The following ADAM32 variants were observed in gnomAD, a reference collection of about 807,000 sequenced individuals.
The protein encoded by ADAM32 is ADAM metallopeptidase domain 32.
In ADAM32, 89 loss-of-function variants were observed where a neutral mutation model predicts 114.9. The observed-to-expected ratio is 0.77, with a 90% CI of 0.65 to 0.92. The LOEUF (loss-of-function observed/expected upper bound fraction) is 0.92, where lower values mean the gene tolerates loss of function less well. Ranked by LOEUF, ADAM32 falls within the 40% of genes least tolerant of loss-of-function variation. The pLI, the probability that ADAM32 is intolerant of heterozygous loss-of-function variation, is 0.00. For synonymous variants in ADAM32, 285 were observed against 307.5 expected, an observed-to-expected ratio of 0.93 and a Z score of 0.77; for missense variants, 870 against 932.8, an observed-to-expected ratio of 0.93 and a Z score of 0.88.
chr8:39,176,639 G>T (rs1419436601), intron 10 of ADAM32, among the ~76,000 whole-genome samples: 1 of 152,154 alleles, frequency 6.6e-6, no homozygotes, highest in Non-Finnish European at 1.5e-5. Flanking sequence ...GTACTGTGTG[G>T]CGATGAGAAG....
chr8:39,161,014 T>A, intron 7 of ADAM32, 49 bp downstream of exon 7: 1 of 1,444,600 alleles, frequency 6.9e-7, no homozygotes, highest in Non-Finnish European at 9.4e-7. Context: ...TCCAAATGTA[T>A]GATTATGCCT....
chr8:39,135,160 A>C (rs911411030), intron 2 of ADAM32, among the ~76,000 whole-genome samples: 3 of 152,198 alleles, frequency 2.0e-5, no homozygotes, highest in Non-Finnish European at 4.4e-5. Context: ...TGTCGCAAGA[A>C]AAAAACAAAA....
In ADAM32 at chr8:39,165,170, G is replaced by A. The variant is rs1466525573; in HGVS notation, c.807G>A (p.Arg269=). ...GGAAACAATCTTATCTTAACCTAAG[G>A]CCTCATGATATTGCATATCTACTAA... ...LEWKQSYLNL[R]PHDIAYLLIY... is the part of the protein sequence containing the mutation. Residue 269 remains arginine, a synonymous_variant, in exon 9 of 25, where the codon AGG becomes AGA. Transcript: ENST00000379907. The A allele has an allele frequency of 1.3e-6, 2 of 1,579,700 alleles. No individual in the cohort carries two copies. Among genetic ancestry groups the A allele is most frequent in the Admixed American group, 1.8e-5 (1 of 54,160 alleles).
At position 39,234,031 on chromosome 8, in the gene ADAM32, A is replaced by G. The variant is rs747931557; in HGVS notation, c.1767A>G (p.Thr589=). 16 of 1,522,258 alleles carry G rather than the reference A, an allele frequency of 1.1e-5. No individual in the cohort carries two copies. In the South Asian group the frequency reaches 1.6e-4, roughly 15 times the overall value. 94.3% of individuals were successfully genotyped at this position (1,522,258 alleles called of 1,614,324 possible). ...CTGTAGACTACAAATTGCCTCGAAC[A>G]GTTCCAGATCCACTGGCTGTCAAAA... The part of the protein sequence containing the change: ...CITVDYKLPR[T]VPDPLAVKNG... Residue 589 remains threonine (T), a synonymous_variant, in exon 16 of 25, where the codon ACA becomes ACG. Coordinates refer to ENST00000379907, the MANE Select transcript of ADAM32 (RefSeq NM_145004.7).
Position 39,160,832 on chromosome 8 carries a change from G to A in ADAM32, c.526-65G>A, listed in dbSNP as rs529572156. On this transcript the variant is annotated intron_variant, in intron 6 of 24. Coordinates refer to ENST00000379907, the MANE Select transcript of ADAM32 (RefSeq NM_145004.7). ...TAAGTGCTGTGGTATTAGCTTTAAA[G>A]AAGAGTTCAAGTAAAAAAATTATGA... 2.2e-6 allele frequency: 3 copies of A among 1,367,118 alleles called. No individual in the cohort carries two copies. The East Asian group carries it at 7.5e-5, about 34-fold the overall frequency. 84.7% of individuals were successfully genotyped at this position (1,367,118 alleles called of 1,614,324 possible).
intron 2 of ADAM32, among the ~76,000 whole-genome samples, chr8:39,126,851 C>A (rs577750937): frequency 6.6e-6 from 1 of 152,036 alleles, no homozygotes; most frequent in African/African-American, 2.4e-5. Context: ...CTTTCAATAC[C>A]TAGTTTACTG....
intron 2 of ADAM32, among the ~76,000 whole-genome samples, chr8:39,123,770 G>A (rs765007290): frequency 3.4e-4 from 51 of 148,456 alleles, no homozygotes; most frequent in Admixed American, 5.4e-4. Flanking sequence ...GCAGTGGCGC[G>A]ATCTTGGCTC....
intron 11 of ADAM32, among the ~76,000 whole-genome samples, chr8:39,202,987 G>T (rs183541454): frequency 6.6e-6 from 1 of 152,204 alleles, no homozygotes; most frequent in Non-Finnish European, 1.5e-5. Context: ...TTGCACTGTA[G>T]TCTGAGAGAC....
At chr8:39,183,415 C>T (rs545819348) in intron 10 of ADAM32, among the ~76,000 whole-genome samples, 1 of 152,270 alleles carries the variant, frequency 6.6e-6, no homozygotes, top group Admixed American at 6.5e-5. Flanking sequence ...AAACCTTAGG[C>T]CCAGAGTAAC....
intron 20 of ADAM32, among the ~76,000 whole-genome samples, chr8:39,272,101 G>GAAAAAAAAAAAAAA (rs11366445): frequency 4.6e-5 from 3 of 65,812 alleles, no homozygotes; most frequent in Non-Finnish European, 5.8e-5. Context: ...GTGAGCTCCA[G>GAAAAAAAAAAAAAA]AAAAAAAAAA....
At chr8:39,217,840 T>G (rs1333463460) in intron 12 of ADAM32, among the ~76,000 whole-genome samples, 2 of 152,266 alleles carry the variant, frequency 1.3e-5, no homozygotes, top group African/African-American at 4.8e-5. Context: ...AGGTCACATA[T>G]CTCTGTTTCT....
chr8:39,107,739 C>G lies in ADAM32; in HGVS notation c.-37C>G. The G allele has an allele frequency of 1.3e-6, 2 of 1,550,416 alleles. No homozygotes were observed. Among genetic ancestry groups the G allele is most frequent in the Admixed American group, 2.0e-5 (1 of 50,968 alleles). ...CCGCGTCCCTGGCAATTCCCGACTT[C>G]CCAACGGCTTCCCGCTGGCAGCCCC... On this transcript the variant is annotated 5_prime_UTR_variant, in exon 1 of 25. Transcript: ENST00000379907.
chr8:39,277,830 G>A (rs891011043), intron 22 of ADAM32, among the ~76,000 whole-genome samples: 1 of 152,250 alleles, frequency 6.6e-6, no homozygotes, highest in African/African-American at 2.4e-5. Context: ...AAACCCCAGA[G>A]GGCGTGTTAC....
At chr8:39,107,930 G>C (rs1839994682) in intron 1 of ADAM32, 97 bp downstream of exon 1, 1 of 1,402,786 alleles carries the variant, frequency 7.1e-7, no homozygotes, top group South Asian at 1.5e-5. Context: ...GGGTCCCTTT[G>C]GTCCTGTCAC....
At chr8:39,262,507 A>G (rs1339102388) in intron 19 of ADAM32, among the ~76,000 whole-genome samples, 2 of 151,822 alleles carry the variant, frequency 1.3e-5, no homozygotes, top group Non-Finnish European at 2.9e-5. Flanking sequence ...CTTTTTTCTC[A>G]GGATTGTTTG....
At chr8:39,253,115 T>C (rs537601047) in intron 17 of ADAM32, among the ~76,000 whole-genome samples, 2 of 151,794 alleles carry the variant, frequency 1.3e-5, no homozygotes, top group South Asian at 4.2e-4. Flanking sequence ...CCAGATGGGA[T>C]TTATTCCTGG....
At chr8:39,107,618 C>G, upstream of ADAM32, 1 of 1,462,614 alleles carries the variant, frequency 6.8e-7, no homozygotes, top group Non-Finnish European at 9.0e-7. Flanking sequence ...CCTTCGTGTT[C>G]CGGACGCTAA....
At chr8:39,140,269 G>T (rs1803059773) in intron 3 of ADAM32, among the ~76,000 whole-genome samples, 1 of 151,462 alleles carries the variant, frequency 6.6e-6, no homozygotes, top group Non-Finnish European at 1.5e-5. Context: ...CAAAGGGAAT[G>T]CTTCCCGTTT....
chr8:39,212,180 C>G (rs1808265382), intron 12 of ADAM32, among the ~76,000 whole-genome samples: 1 of 151,962 alleles, frequency 6.6e-6, no homozygotes, highest in Non-Finnish European at 1.5e-5. Context: ...TCATGCCTGG[C>G]TAAGTTTGTA....
Sources: gnomAD v4.1 joint callset for allele counts (sites outside exome capture counted in the v4.1 genomes callset) on GRCh38, gnomAD v4.1.1 for gene constraint, MANE v1.5 for transcripts, NCBI Gene and HGNC (gene_info 2026-07-23, HGNC 2026-07-21) for gene names.